The following TTLL5 variants were observed in gnomAD, a reference collection of about 807,000 sequenced individuals.
TTLL5 encodes the protein tubulin polyglutamylase TTLL5.
Under a neutral mutation model 168.4 loss-of-function variants are expected in TTLL5, and 132 were observed. The observed-to-expected ratio is 0.78, with a 90% confidence interval of 0.68 to 0.91. The LOEUF is 0.91. Ranked by LOEUF, TTLL5 falls within the 40% of genes least tolerant of loss-of-function variation. The probability of loss-of-function intolerance (pLI) is 0.00; values close to 1 mark genes in which losing one functional copy is unlikely to be tolerated. For missense variants in TTLL5, 1,545 were observed against 1,581.5 expected, an observed-to-expected ratio of 0.98 and a Z score of 0.39; for synonymous variants, 546 against 558.6, an observed-to-expected ratio of 0.98 and a Z score of 0.32.
rs1023642723 is a variant in TTLL5, at chr14:75,707,081, A to G, written c.649A>G (p.Ile217Val). The change falls in exon 8 of 32, where the codon ATA becomes GTA. Residue 217 changes from isoleucine (I) to valine (V), a missense_variant. Coordinates refer to ENST00000298832, the MANE Select transcript of TTLL5 (RefSeq NM_015072.5). ...VSRYINNPLL[I>V]DDFKFDVRLY... Reference sequence around the variant, plus strand: ...CCGTTACATTAACAACCCCCTGCTCATAGATGGTGAGTTGTGATTAGGCCC... The same window carrying G: ...CCGTTACATTAACAACCCCCTGCTCGTAGATGGTGAGTTGTGATTAGGCCC... 20 of 1,612,228 alleles carry G rather than the reference A, an allele frequency of 1.2e-5. No homozygotes were observed. Among genetic ancestry groups the G allele is most frequent in the Non-Finnish European group, 1.6e-5 (19 of 1,178,896 alleles).
At chr14:75,690,507 C>T (rs1279104626) in intron 6 of TTLL5, among the ~76,000 whole-genome samples, 185 bp downstream of exon 6, 5 of 152,140 alleles carry the variant, frequency 3.3e-5, no homozygotes, top group African/African-American at 1.2e-4. Flanking sequence ...GTTCAGTAAA[C>T]TTGTCAGTAT....
At chr14:75,717,072 A>AT (rs894029498) in intron 9 of TTLL5, among the ~76,000 whole-genome samples, 2 of 149,828 alleles carry the variant, frequency 1.3e-5, no homozygotes, top group Non-Finnish European at 3.0e-5. Flanking sequence ...CTGTGCTGTC[A>AT]TTTTTTCTTT....
At chr14:75,844,160 C>T (rs116123419) in intron 28 of TTLL5, among the ~76,000 whole-genome samples, 1,885 of 152,162 alleles carry the variant, frequency 0.012, 25 homozygotes, top group African/African-American at 0.038. Context: ...GGATTACAGA[C>T]GTGAGCCGCC....
intron 28 of TTLL5, 151 bp downstream of exon 28, chr14:75,820,312 AG>A: frequency 2.7e-6 from 2 of 751,462 alleles, no homozygotes; most frequent in Non-Finnish European, 3.8e-6. Context: ...CCTGACTAAG[AG>A]AGCCTCATTT....
chr14:75,860,007 C>T (rs76731629), intron 28 of TTLL5, among the ~76,000 whole-genome samples: 2,978 of 152,266 alleles, frequency 0.02, 116 homozygotes, highest in African/African-American at 0.068. Context: ...TGTAAAAATG[C>T]CTGCCTCTTT....
chr14:75,871,138 T>C (rs1485366527), intron 29 of TTLL5, among the ~76,000 whole-genome samples: 1 of 152,188 alleles, frequency 6.6e-6, no homozygotes, highest in Admixed American at 6.5e-5. Context: ...TCTTAGTGTA[T>C]TATTACAATA....
intron 29 of TTLL5, among the ~76,000 whole-genome samples, chr14:75,872,912 C>CAAA (rs71119400): frequency 7.6e-6 from 1 of 131,234 alleles, no homozygotes; most frequent in Non-Finnish European, 1.6e-5. Flanking sequence ...AACTCCATCT[C>CAAA]AAAAAAAAAA....
chr14:75,831,666 C>T (rs138599631), intron 28 of TTLL5, among the ~76,000 whole-genome samples: 2,151 of 152,276 alleles, frequency 0.014, 16 homozygotes, highest in South Asian at 0.026. Flanking sequence ...GGGGTCCTGC[C>T]TGATGGCTTT....
chr14:75,771,915 T>A, intron 21 of TTLL5, 61 bp downstream of exon 21: 1 of 1,514,306 alleles, frequency 6.6e-7, no homozygotes, highest in Admixed American at 2.3e-5. Flanking sequence ...TTCTGTATTT[T>A]TTTTTTTTTT....
intron 27 of TTLL5, among the ~76,000 whole-genome samples, chr14:75,808,687 G>A (rs1409642005): frequency 2.0e-5 from 3 of 152,094 alleles, no homozygotes; most frequent in African/African-American, 7.2e-5. Flanking sequence ...CAAAACAGGT[G>A]AAAACAGGAA....
chr14:75,825,590 T>C (rs562898632), intron 28 of TTLL5, among the ~76,000 whole-genome samples: 123 of 152,292 alleles, frequency 8.1e-4, no homozygotes, highest in Non-Finnish European at 1.4e-3. Flanking sequence ...TTGGAGCTTA[T>C]AATTTTGTAC....
chr14:75,781,950 CTT>C (rs1350605682), intron 24 of TTLL5, among the ~76,000 whole-genome samples: 1 of 75,156 alleles, frequency 1.3e-5, no homozygotes, highest in Non-Finnish European at 2.4e-5. Context: ...AAGAGTGAAA[CTT>C]TGTTCAAAAA....
intron 28 of TTLL5, among the ~76,000 whole-genome samples, chr14:75,836,832 G>A (rs1470340890): frequency 4.6e-5 from 7 of 152,166 alleles, no homozygotes; most frequent in Admixed American, 3.9e-4. Flanking sequence ...GAGATGTGTT[G>A]TAATCCAGTG....
chr14:75,755,692 GA>G (rs944504324), intron 18 of TTLL5, among the ~76,000 whole-genome samples: 3 of 152,024 alleles, frequency 2.0e-5, no homozygotes, highest in Non-Finnish European at 4.4e-5. Flanking sequence ...AACATGCATT[GA>G]AAAAAATGAG....
At position 75,782,530 on chromosome 14, in the gene TTLL5, T is replaced by G. The variant is rs756318457; in HGVS notation, c.2559T>G (p.Pro853=). The part of the protein sequence containing the change: ...TIMEEVKIKP[P]KQQQTTEIHS... ...TGGAAGAAGTGAAAATAAAGCCACC[T>G]AAACAGCAACAGACGACAGAAATTC... is the stretch of plus-strand genomic sequence containing the variant. The change falls in exon 25 of 32, where the codon CCT becomes CCG. Residue 853 remains proline, a synonymous_variant. Transcript: ENST00000298832. 5 of 1,614,022 alleles carry G rather than the reference T, an allele frequency of 3.1e-6. No individual in the cohort carries two copies. In the East Asian group the frequency reaches 8.9e-5, roughly 29 times the overall value.
At chr14:75,679,307 C>T (rs117885364) in intron 3 of TTLL5, among the ~76,000 whole-genome samples, 206 of 152,220 alleles carry the variant, frequency 1.4e-3, no homozygotes, top group Non-Finnish European at 2.5e-3. Flanking sequence ...TACATGCAAC[C>T]ATGGTTGACT....
At chr14:75,930,468 G>A (rs1473946987) in intron 31 of TTLL5, 2 of 520,240 alleles carry the variant, frequency 3.8e-6, no homozygotes, top group Non-Finnish European at 4.9e-6. Flanking sequence ...TGTTCAACCA[G>A]TAAGTATAAT....
At chr14:75,902,899 C>T (rs1997559) in intron 31 of TTLL5, among the ~76,000 whole-genome samples, 3 of 152,034 alleles carry the variant, frequency 2.0e-5, no homozygotes, top group Admixed American at 6.5e-5. Context: ...AGATACACAC[C>T]GGGTGAACAA....
At chr14:75,812,181 C>T (rs1202942281) in intron 27 of TTLL5, among the ~76,000 whole-genome samples, 1 of 152,120 alleles carries the variant, frequency 6.6e-6, no homozygotes, top group East Asian at 1.9e-4. Flanking sequence ...GGGAGTGGAA[C>T]ATCTGGATAA....
Sources: gnomAD v4.1 joint callset for allele counts (sites outside exome capture counted in the v4.1 genomes callset) on GRCh38, gnomAD v4.1.1 for gene constraint, MANE v1.5 for transcripts, NCBI Gene and HGNC (gene_info 2026-07-23, HGNC 2026-07-21) for gene names.